KIAA0825: variants seen among roughly 807,000 people sequenced by gnomAD.
The protein encoded by KIAA0825 is KIAA0825.
Under a neutral mutation model 147.6 loss-of-function variants are expected in KIAA0825, and 119 were observed. The observed-to-expected ratio is 0.81, with a 90% confidence interval of 0.69 to 0.94. The LOEUF (loss-of-function observed/expected upper bound fraction) is 0.94, where lower values mean the gene tolerates loss of function less well. Among genes scored for constraint, KIAA0825 ranks in the 40% least tolerant of loss-of-function variants. KIAA0825 has a pLI of 0.00. For missense variants in KIAA0825, 1,381 were observed against 1,472.7 expected (o/e 0.94, Z 1.02); for synonymous variants, 470 against 518.1 (o/e 0.91, Z 1.26).
intron 20 of KIAA0825, among the ~76,000 whole-genome samples, chr5:94,365,011 G>A (rs1745631182): frequency 6.6e-6 from 1 of 152,154 alleles, no homozygotes; most frequent in Non-Finnish European, 1.5e-5. Flanking sequence ...AGTAAGAGAA[G>A]ACAACATGGC....
chr5:94,281,235 A>ACG (rs1439568470), intron 20 of KIAA0825, among the ~76,000 whole-genome samples: 4 of 136,048 alleles, frequency 2.9e-5, no homozygotes, highest in African/African-American at 1.1e-4. Flanking sequence ...ACACACACAC[A>ACG]CACACACACT....
intron 20 of KIAA0825, among the ~76,000 whole-genome samples, chr5:94,253,490 A>G (rs1050635607): frequency 3.3e-5 from 5 of 152,066 alleles, no homozygotes; most frequent in African/African-American, 1.2e-4. Context: ...GAACATTATT[A>G]TTTGGGTTAA....
chr5:94,223,937 C>A (rs1180374699), intron 20 of KIAA0825, among the ~76,000 whole-genome samples: 1 of 152,046 alleles, frequency 6.6e-6, no homozygotes, highest in Non-Finnish European at 1.5e-5. Flanking sequence ...TTCTTTTACT[C>A]TATCCTCTGC....
intron 1 of KIAA0825, among the ~76,000 whole-genome samples, chr5:94,590,430 C>G (rs1025363276): frequency 1.3e-5 from 2 of 152,096 alleles, no homozygotes; most frequent in African/African-American, 4.8e-5. Context: ...CAGAAATGGA[C>G]ACGAACTCTC....
intron 20 of KIAA0825, among the ~76,000 whole-genome samples, chr5:94,320,543 C>T (rs546823620): frequency 6.6e-6 from 1 of 151,902 alleles, no homozygotes; most frequent in South Asian, 2.1e-4. Flanking sequence ...TGTTATTCTA[C>T]TCTACGCCTC....
At chr5:94,512,441 CA>C (rs1766624675) in intron 5 of KIAA0825, among the ~76,000 whole-genome samples, 1 of 151,872 alleles carries the variant, frequency 6.6e-6, no homozygotes, top group South Asian at 2.1e-4. Flanking sequence ...CAGAACTAGG[CA>C]TTCACATTAA....
At chr5:94,408,059 A>G (rs549515589) in intron 15 of KIAA0825, among the ~76,000 whole-genome samples, 2 of 152,336 alleles carry the variant, frequency 1.3e-5, no homozygotes, top group East Asian at 3.9e-4. Context: ...CACAAATAAT[A>G]CGTAAGTGAA....
intron 2 of KIAA0825, among the ~76,000 whole-genome samples, chr5:94,541,645 C>A (rs1457723613): frequency 6.6e-6 from 1 of 152,198 alleles, no homozygotes. Flanking sequence ...AGGGCAAAGA[C>A]TTGCTTTTAA....
At chr5:94,520,163 T>G in intron 5 of KIAA0825, 85 bp downstream of exon 5, 1 of 1,379,056 alleles carries the variant, frequency 7.3e-7, no homozygotes. Context: ...TGCAGTGAGA[T>G]TTAACCAAAT....
intron 12 of KIAA0825, among the ~76,000 whole-genome samples, chr5:94,455,475 A>C (rs1758982716): frequency 6.6e-6 from 1 of 152,186 alleles, no homozygotes; most frequent in East Asian, 1.9e-4. Context: ...GTAGGTATAA[A>C]AGTAGACAAT....
chr5:94,274,449 A>G (rs1354359164), intron 20 of KIAA0825, among the ~76,000 whole-genome samples: 2 of 152,178 alleles, frequency 1.3e-5, no homozygotes, highest in South Asian at 2.1e-4. Context: ...TTTCAACAAA[A>G]TAATATTATT....
At chr5:94,537,791 CA>C (rs1227018501) in intron 2 of KIAA0825, among the ~76,000 whole-genome samples, 1 of 152,062 alleles carries the variant, frequency 6.6e-6, no homozygotes, top group African/African-American at 2.4e-5. Context: ...GTGGGTGCAG[CA>C]AAAATTCAAT....
chr5:94,429,964 T>C (rs1319939024), intron 14 of KIAA0825, among the ~76,000 whole-genome samples: 1 of 151,980 alleles, frequency 6.6e-6, no homozygotes, highest in African/African-American at 2.4e-5. Context: ...GGAAGGGTGG[T>C]AAGTCAGGCT....
Position 94,537,082 on chromosome 5 carries a change from A to G in KIAA0825, c.45T>C (p.His15=), listed in dbSNP as rs112682051. 21 of 1,610,874 alleles carry G rather than the reference A, an allele frequency of 1.3e-5. No homozygotes were observed. The highest frequency in any genetic ancestry group is 1.2e-4 in the African/African-American group (9 of 74,996). ...DEYSHNSFDL[H]CLLNSFPGDL... ...CTCCAGGAAATGAGTTTAACAAACA[A>G]TGTAGGTCAAAAGAATTATGAGAAT... The change falls in exon 3 of 21, where the codon CAT becomes CAC. Residue 15 remains histidine, a synonymous_variant. Coordinates refer to ENST00000682413, the MANE Select transcript of KIAA0825 (RefSeq NM_001145678.3).
intron 20 of KIAA0825, among the ~76,000 whole-genome samples, chr5:94,263,649 GTCTC>G (rs376859806): frequency 6.8e-4 from 103 of 150,688 alleles, no homozygotes; most frequent in East Asian, 1.6e-3. Flanking sequence ...TTTCTTCAAT[GTCTC>G]TCTCTCTCTC....
chr5:94,416,951 C>A, intron 15 of KIAA0825: 1 of 324,708 alleles, frequency 3.1e-6, no homozygotes, highest in South Asian at 6.6e-5. Flanking sequence ...TAGAACATTC[C>A]CTAATTAATA....
chr5:94,156,919 GT>G (rs1767081186), intron 20 of KIAA0825, among the ~76,000 whole-genome samples: 1 of 151,902 alleles, frequency 6.6e-6, no homozygotes, highest in South Asian at 2.1e-4. Flanking sequence ...TCTTAACGAA[GT>G]TTTTCTTTAA....
At position 94,354,271 on chromosome 5, in the gene KIAA0825, A is replaced by G. The variant is rs145494856; in HGVS notation, c.3710+30097T>C. On this transcript the variant is annotated intron_variant, in intron 20 of 20. Coordinates refer to ENST00000682413, the MANE Select transcript of KIAA0825 (RefSeq NM_001145678.3). ...AGCTACCATTAAGTGGGCCACAGAT[A>G]AACTTCCTATTAATTTCTTGTCATA... Among the ~76,000 whole-genome samples, 75 of 152,324 alleles carry G rather than the reference A, an allele frequency of 4.9e-4. No individual in the cohort carries two copies. In the East Asian group the frequency reaches 0.014, roughly 29 times the overall value.
intron 2 of KIAA0825, among the ~76,000 whole-genome samples, chr5:94,541,007 G>A (rs1426618815): frequency 1.3e-5 from 2 of 152,194 alleles, no homozygotes; most frequent in East Asian, 1.9e-4. Flanking sequence ...AAAGAGAGAT[G>A]TTTAGGACAA....
Sources: gnomAD v4.1 joint callset for allele counts (sites outside exome capture counted in the v4.1 genomes callset) on GRCh38, gnomAD v4.1.1 for gene constraint, MANE v1.5 for transcripts, NCBI Gene and HGNC (gene_info 2026-07-23, HGNC 2026-07-21) for gene names.